Variants in ADGRB3 observed in about 807,000 individuals in gnomAD.
The protein encoded by ADGRB3 is brain-specific angiogenesis inhibitor 3.
Under a neutral mutation model 193.4 loss-of-function variants are expected in ADGRB3, and 37 were observed. The ratio of observed to expected loss-of-function variants is 0.19; its 90% CI spans 0.15 to 0.25. The LOEUF (loss-of-function observed/expected upper bound fraction) is 0.25. Among genes scored for constraint, ADGRB3 ranks in the 10% least tolerant of loss-of-function variants. ADGRB3 has a pLI of 1.00. For missense variants in ADGRB3, 1,637 were observed against 1,852.9 expected (o/e 0.88, Z 2.14); for synonymous variants, 690 against 644.2 (o/e 1.07, Z -1.08).
chr6:69,043,334 G>GGAAGGAAGAAAGAA (rs1208856464), intron 13 of ADGRB3, among the ~76,000 whole-genome samples: 2 of 110,048 alleles, frequency 1.8e-5, no homozygotes, highest in African/African-American at 3.2e-5. Context: ...GAAAGAAAGA[G>GGAAGGAAGAAAGAA]AAAGAAAAGA....
intron 6 of ADGRB3, among the ~76,000 whole-genome samples, chr6:68,947,214 T>C (rs73747871): frequency 0.035 from 5,346 of 152,018 alleles, 285 homozygotes; most frequent in African/African-American, 0.12. Context: ...AATTAAAATA[T>C]TATGGAAAGG....
chr6:68,896,992 G>GT (rs969189094), intron 3 of ADGRB3, among the ~76,000 whole-genome samples: 2 of 152,062 alleles, frequency 1.3e-5, no homozygotes, highest in African/African-American at 4.8e-5. Flanking sequence ...TCCTCTGGGG[G>GT]TTACAAGATC....
intron 22 of ADGRB3, among the ~76,000 whole-genome samples, 169 bp from the exon 23 acceptor site, chr6:69,330,337 G>A (rs983008096): frequency 6.6e-5 from 10 of 152,248 alleles, no homozygotes; most frequent in African/African-American, 2.4e-4. Flanking sequence ...CTTATGAAAT[G>A]ATATAATTCT....
intron 3 of ADGRB3, among the ~76,000 whole-genome samples, chr6:68,870,603 T>A (rs1765428688): frequency 6.6e-6 from 1 of 152,148 alleles, no homozygotes; most frequent in Non-Finnish European, 1.5e-5. Flanking sequence ...TCATTATTGA[T>A]CCCCCGAGTT....
intron 3 of ADGRB3, among the ~76,000 whole-genome samples, chr6:68,670,315 A>C (rs1768913197): frequency 1.3e-5 from 2 of 151,874 alleles, no homozygotes; most frequent in Admixed American, 6.6e-5. Flanking sequence ...CTGTGCTTGT[A>C]GGGTCTTGCT....
intron 17 of ADGRB3, among the ~76,000 whole-genome samples, chr6:69,208,895 G>T (rs932960808): frequency 6.6e-6 from 1 of 152,188 alleles, no homozygotes; most frequent in African/African-American, 2.4e-5. Flanking sequence ...AAGCAGTTCA[G>T]TTCACAGGGT....
intron 26 of ADGRB3, among the ~76,000 whole-genome samples, chr6:69,340,821 G>A (rs1027358765): frequency 2.0e-5 from 3 of 152,056 alleles, no homozygotes; most frequent in Non-Finnish European, 4.4e-5. Flanking sequence ...GTGTCCGTGT[G>A]TTCTCATTGT....
At chr6:69,064,909 T>C (rs1771856143) in intron 16 of ADGRB3, among the ~76,000 whole-genome samples, 1 of 152,090 alleles carries the variant, frequency 6.6e-6, no homozygotes, top group Non-Finnish European at 1.5e-5. Context: ...AAGCTTTGAG[T>C]CTGTCTTTTA....
At chr6:69,138,423 G>A (rs959997721) in intron 17 of ADGRB3, among the ~76,000 whole-genome samples, 5 of 152,148 alleles carry the variant, frequency 3.3e-5, no homozygotes, top group African/African-American at 1.2e-4. Flanking sequence ...TATCATAACA[G>A]GTTACTGATA....
chr6:68,657,684 A>G (rs1768523659), intron 3 of ADGRB3, among the ~76,000 whole-genome samples: 1 of 151,474 alleles, frequency 6.6e-6, no homozygotes, highest in African/African-American at 2.4e-5. Context: ...AAAGGGTTTT[A>G]TCAAACCTTA....
chr6:69,321,701 G>T (rs531661046), intron 20 of ADGRB3, among the ~76,000 whole-genome samples: 10 of 151,830 alleles, frequency 6.6e-5, no homozygotes, highest in East Asian at 1.9e-4. Flanking sequence ...CACTAGAAAG[G>T]CCAGTTTTAT....
At chr6:69,348,200 G>C (rs907879488) in intron 26 of ADGRB3, among the ~76,000 whole-genome samples, 5 of 152,172 alleles carry the variant, frequency 3.3e-5, no homozygotes, top group Non-Finnish European at 7.4e-5. Flanking sequence ...AGCTCAGACA[G>C]AGAGTTTGTA....
chr6:69,295,358 A>C (rs1375110633), intron 20 of ADGRB3, among the ~76,000 whole-genome samples: 1 of 152,182 alleles, frequency 6.6e-6, no homozygotes, highest in Non-Finnish European at 1.5e-5. Context: ...GAACTGAATC[A>C]AGGAACTTGG....
intron 17 of ADGRB3, among the ~76,000 whole-genome samples, chr6:69,079,184 C>A (rs1772318079): frequency 6.6e-6 from 1 of 151,940 alleles, no homozygotes; most frequent in Non-Finnish European, 1.5e-5. Context: ...GACAAAACAT[C>A]TTTAGACAAT....
intron 17 of ADGRB3, among the ~76,000 whole-genome samples, chr6:69,164,692 G>C (rs998764179): frequency 1.3e-5 from 2 of 152,050 alleles, no homozygotes; most frequent in Non-Finnish European, 2.9e-5. Context: ...TATTAGATAG[G>C]CACTAATTGA....
chr6:68,842,650 A>G (rs1289145638), intron 3 of ADGRB3, among the ~76,000 whole-genome samples: 1 of 151,892 alleles, frequency 6.6e-6, no homozygotes, highest in African/African-American at 2.4e-5. Flanking sequence ...AGGAGAGAAT[A>G]CTCTCATACT....
intron 3 of ADGRB3, among the ~76,000 whole-genome samples, chr6:68,819,747 A>C (rs942037211): frequency 6.6e-6 from 1 of 152,076 alleles, no homozygotes; most frequent in Admixed American, 6.6e-5. Flanking sequence ...GAAATAGATA[A>C]AATTGTATAC....
intron 5 of ADGRB3, among the ~76,000 whole-genome samples, chr6:68,940,547 C>CTTTTTTT: frequency 0.26 from 17,563 of 68,636 alleles, 3,644 homozygotes; most frequent in Non-Finnish European, 0.31. Context: ...TGCTTTTGAA[C>CTTTTTTT]TTTTTTTTTT....
intron 3 of ADGRB3, among the ~76,000 whole-genome samples, chr6:68,868,923 G>GTGTGTGTGTT (rs1352240391): frequency 2.7e-5 from 4 of 149,330 alleles, no homozygotes; most frequent in African/African-American, 9.9e-5. Context: ...GTGTGTGTGT[G>GTGTGTGTGTT]TGTGTGTGTG....
Sources: gnomAD v4.1 joint callset for allele counts (sites outside exome capture counted in the v4.1 genomes callset) on GRCh38, gnomAD v4.1.1 for gene constraint, MANE v1.5 for transcripts, NCBI Gene and HGNC (gene_info 2026-07-23, HGNC 2026-07-21) for gene names.